Variants in MMP26 observed in about 807,000 individuals in gnomAD.
The protein encoded by MMP26 is matrix metallopeptidase 26.
In MMP26, 33 loss-of-function variants were observed where a neutral mutation model predicts 31.0. The observed-to-expected ratio is 1.06, with a 90% CI of 0.81 to 1.42. The LOEUF is 1.42. Ranked by LOEUF, MMP26 falls within the 40% of genes most tolerant of loss-of-function variation. The pLI is 0.00. For synonymous variants in MMP26, 122 were observed against 114.9 expected (o/e 1.06, Z -0.40); for missense variants, 347 against 316.1 (o/e 1.10, Z -0.74).
chr11:4,887,412 T>C (rs922028065), intron 2 of MMP26, among the ~76,000 whole-genome samples: 9 of 152,166 alleles, frequency 5.9e-5, no homozygotes, highest in African/African-American at 1.9e-4. Context: ...GAAACATTTA[T>C]TGACATTTTA....
intron 2 of MMP26, chr11:4,882,066 G>C: frequency 6.2e-7 from 1 of 1,613,858 alleles, no homozygotes; most frequent in Non-Finnish European, 8.5e-7. Flanking sequence ...ACTAAGCGGA[G>C]ACTCCACAAA....
intron 2 of MMP26, among the ~76,000 whole-genome samples, chr11:4,821,092 T>G (rs1359331409): frequency 1.3e-5 from 2 of 152,170 alleles, no homozygotes; most frequent in Non-Finnish European, 2.9e-5. Context: ...ATAATATTGT[T>G]TAGGAATTTT....
At chr11:4,710,690 G>C (rs1053873656) in intron 1 of MMP26, 1 of 337,710 alleles carries the variant, frequency 3.0e-6, no homozygotes, top group African/African-American at 2.1e-5. Flanking sequence ...TTTAAGGGCA[G>C]AGATTATGTC....
intron 2 of MMP26, chr11:4,924,388 T>C: frequency 2.0e-6 from 3 of 1,526,348 alleles, no homozygotes; most frequent in Admixed American, 2.1e-5. Flanking sequence ...ATGAGATTCC[T>C]GGAAAGTGAC....
chr11:4,852,497 A>G (rs1415250460), intron 2 of MMP26, among the ~76,000 whole-genome samples: 3 of 152,178 alleles, frequency 2.0e-5, no homozygotes, highest in African/African-American at 7.2e-5. Context: ...GAGCATATTC[A>G]TTTCTCAAAT....
intron 1 of MMP26, among the ~76,000 whole-genome samples, chr11:4,722,010 T>C (rs1256043289): frequency 6.6e-6 from 1 of 152,206 alleles, no homozygotes; most frequent in African/African-American, 2.4e-5. Context: ...ATGGGTCACA[T>C]CTTCCTTTTG....
intron 1 of MMP26, among the ~76,000 whole-genome samples, chr11:4,732,045 G>A (rs1327774588): frequency 6.6e-6 from 1 of 152,156 alleles, no homozygotes; most frequent in Non-Finnish European, 1.5e-5. Context: ...ATCTCTTTGT[G>A]TCCTAAAGGA....
At chr11:4,943,338 T>C (rs548454498) in intron 2 of MMP26, 2 of 344,484 alleles carry the variant, frequency 5.8e-6, no homozygotes, top group East Asian at 7.6e-5. Context: ...GTGAAGTCTT[T>C]CAGTTTTCTC....
chr11:4,941,383 T>C (rs1846203597), intron 2 of MMP26, among the ~76,000 whole-genome samples: 1 of 152,214 alleles, frequency 6.6e-6, no homozygotes, highest in African/African-American at 2.4e-5. Context: ...AAATTCATTA[T>C]GGATTTTCAC....
At chr11:4,742,536 G>A (rs188430571) in intron 1 of MMP26, among the ~76,000 whole-genome samples, 29 of 152,204 alleles carry the variant, frequency 1.9e-4, no homozygotes, top group African/African-American at 6.0e-4. Context: ...TGTCTGGGAA[G>A]GTTTTTCCAG....
chr11:4,940,675 C>A (rs1285357887), intron 2 of MMP26, among the ~76,000 whole-genome samples: 1 of 152,138 alleles, frequency 6.6e-6, no homozygotes, highest in African/African-American at 2.4e-5. Flanking sequence ...GATGGAAAAG[C>A]TTCTAAACGT....
chr11:4,804,455 T>G (rs1849236212), intron 2 of MMP26: 1 of 1,162,390 alleles, frequency 8.6e-7, no homozygotes, highest in Non-Finnish European at 1.3e-6. Flanking sequence ...CAAGTGTTAT[T>G]ATTATATACA....
chr11:4,744,158 T>G (rs866224146), intron 1 of MMP26, among the ~76,000 whole-genome samples: 38 of 152,262 alleles, frequency 2.5e-4, no homozygotes, highest in Middle Eastern at 3.4e-3. Context: ...AATTTAAATA[T>G]TTTATCTTAG....
At chr11:4,946,386 G>T in intron 2 of MMP26, 1 of 1,613,566 alleles carries the variant, frequency 6.2e-7, no homozygotes, top group Non-Finnish European at 8.5e-7. Flanking sequence ...CAAGTATTGA[G>T]AGCCTTAAGC....
chr11:4,989,571 A>G (rs999091929), intron 3 of MMP26, 77 bp from the exon 4 acceptor site: 38 of 1,188,322 alleles, frequency 3.2e-5, no homozygotes, highest in Middle Eastern at 1.9e-4. Context: ...ACCCTCAAAG[A>G]AGGCTATGCC....
intron 2 of MMP26, among the ~76,000 whole-genome samples, chr11:4,829,673 T>TG (rs966408589): frequency 6.6e-6 from 1 of 152,014 alleles, no homozygotes; most frequent in Non-Finnish European, 1.5e-5. Flanking sequence ...TATAAGACAA[T>TG]GGGGAAAGAA....
intron 2 of MMP26, chr11:4,769,437 GT>G (rs767163579): frequency 6.2e-7 from 1 of 1,613,168 alleles, no homozygotes; most frequent in South Asian, 1.1e-5. Context: ...AGCAAAAGTA[GT>G]GGCAATATTA....
At position 4,774,274 on chromosome 11, in the gene MMP26, C is replaced by T. The variant is rs553481295; in HGVS notation, c.-145+6933C>T. On this transcript the variant is annotated intron_variant, in intron 2 of 7. Coordinates refer to ENST00000380390, the MANE Select transcript of MMP26 (RefSeq NM_021801.5). The stretch of plus-strand genomic sequence containing the variant: ...ATGTAAAAGCATTCCTATTTCTCCA[C>T]GACCTCACCAGCTTCTGTTTCTTGA... 3.9e-5 allele frequency among the ~76,000 whole-genome samples: 6 copies of T among 152,262 alleles called. No individual in the cohort carries two copies. In the East Asian group the frequency reaches 5.8e-4, roughly 15 times the overall value.
At position 4,894,485 on chromosome 11, in the gene MMP26, G is replaced by C. The variant is rs561970069; in HGVS notation, c.-144-93583G>C. On this transcript the variant is annotated intron_variant, in intron 2 of 7. Transcript: ENST00000380390. ...TTAGGACACAGTATGCAATATAAATGTTAAGGAAGGCCGAAGCCTTGGTCT... is the reference window on the plus strand; with the variant it reads ...TTAGGACACAGTATGCAATATAAATCTTAAGGAAGGCCGAAGCCTTGGTCT... Among the ~76,000 whole-genome samples the C allele has an allele frequency of 2.0e-5, 3 of 152,288 alleles. No individual in the cohort carries two copies. The East Asian group carries it at 5.8e-4, about 29-fold the overall frequency.
Sources: gnomAD v4.1 joint callset for allele counts (sites outside exome capture counted in the v4.1 genomes callset) on GRCh38, gnomAD v4.1.1 for gene constraint, MANE v1.5 for transcripts, NCBI Gene and HGNC (gene_info 2026-07-23, HGNC 2026-07-21) for gene names.